CALN1: variants seen among roughly 807,000 people sequenced by gnomAD.
The protein encoded by CALN1 is calcium-binding protein 8.
A neutral mutation model predicts 30.6 loss-of-function variants in CALN1; 17 were observed. That is an observed-to-expected ratio of 0.56 (90% CI 0.38 to 0.83). The LOEUF (loss-of-function observed/expected upper bound fraction) is 0.83, where lower values mean the gene tolerates loss of function less well. CALN1 is among the 40% of genes least tolerant of loss of function. The pLI is 0.00. For synonymous variants in CALN1, 156 were observed against 131.4 expected, an observed-to-expected ratio of 1.19 and a Z score of -1.28; for missense variants, 291 against 354.9, an observed-to-expected ratio of 0.82 and a Z score of 1.45.
chr7:72,147,859 A>C (rs1786881097), intron 3 of CALN1, among the ~76,000 whole-genome samples: 8 of 150,694 alleles, frequency 5.3e-5, no homozygotes. Flanking sequence ...CAAAAAACCA[A>C]ACATCGCATG....
intron 6 of CALN1, among the ~76,000 whole-genome samples, chr7:71,799,217 C>T (rs1325244669): frequency 6.6e-6 from 1 of 152,114 alleles, no homozygotes; most frequent in Non-Finnish European, 1.5e-5. Flanking sequence ...GTTTAATCCT[C>T]AAAACAACTG....
chr7:71,956,160 G>C (rs749254381), intron 5 of CALN1, among the ~76,000 whole-genome samples: 1 of 152,050 alleles, frequency 6.6e-6, no homozygotes. Context: ...GCTAATTTTT[G>C]TATTTTTAGT....
intron 4 of CALN1, among the ~76,000 whole-genome samples, chr7:72,073,168 A>G (rs1371122937): frequency 6.6e-6 from 1 of 152,194 alleles, no homozygotes; most frequent in Non-Finnish European, 1.5e-5. Flanking sequence ...ATATTGCATG[A>G]TTCCATTTAT....
At chr7:72,362,499 C>G (rs910308941) in intron 2 of CALN1, among the ~76,000 whole-genome samples, 15 of 152,136 alleles carry the variant, frequency 9.9e-5, no homozygotes, top group African/African-American at 3.6e-4. Flanking sequence ...CTGGGTACCA[C>G]GCTATCTATA....
At chr7:72,340,817 TAGTG>T (rs990889976) in intron 2 of CALN1, among the ~76,000 whole-genome samples, 8 of 152,260 alleles carry the variant, frequency 5.3e-5, no homozygotes, top group East Asian at 3.9e-4. Flanking sequence ...ATTTTCATGG[TAGTG>T]AGTAAGTCTC....
chr7:71,892,155 A>G (rs1296088366), intron 5 of CALN1, among the ~76,000 whole-genome samples: 6 of 152,094 alleles, frequency 3.9e-5, no homozygotes, highest in African/African-American at 9.7e-5. Flanking sequence ...TATTTTCATC[A>G]CTATTTAATA....
chr7:71,989,335 G>A (rs1798829760), intron 5 of CALN1, among the ~76,000 whole-genome samples: 1 of 152,040 alleles, frequency 6.6e-6, no homozygotes, highest in Non-Finnish European at 1.5e-5. Context: ...CTACTCAGGA[G>A]GCTGAGGCAA....
intron 1 of CALN1, among the ~76,000 whole-genome samples, chr7:72,444,948 T>C (rs528631135): frequency 1.6e-4 from 24 of 152,004 alleles, no homozygotes; most frequent in African/African-American, 5.6e-4. Flanking sequence ...ACCACGGCCA[T>C]TAAAGAAATG....
At chr7:71,886,097 C>A (rs1203951116) in intron 5 of CALN1, among the ~76,000 whole-genome samples, 4 of 152,190 alleles carry the variant, frequency 2.6e-5, no homozygotes. Flanking sequence ...CAAGTCCCAG[C>A]GAAGAATCCA....
chr7:71,874,518 C>T (rs879520112), intron 5 of CALN1, among the ~76,000 whole-genome samples: 2 of 152,120 alleles, frequency 1.3e-5, no homozygotes, highest in African/African-American at 2.4e-5. Flanking sequence ...TTCCAGAGCA[C>T]GGAATGACTT....
chr7:71,946,301 G>C (rs537187727), intron 5 of CALN1, among the ~76,000 whole-genome samples: 1 of 151,772 alleles, frequency 6.6e-6, no homozygotes, highest in African/African-American at 2.4e-5. Flanking sequence ...TATAGAAATA[G>C]TGACAATAAT....
At chr7:71,965,089 G>GC (rs1235576418) in intron 5 of CALN1, among the ~76,000 whole-genome samples, 2 of 152,114 alleles carry the variant, frequency 1.3e-5, no homozygotes, top group African/African-American at 4.8e-5. Flanking sequence ...GTGCAGTGGT[G>GC]CCATCGTAGC....
At chr7:72,487,672 TGAAA>T in the CALN1 span, among the ~76,000 whole-genome samples, 1 of 101,544 alleles carries the variant, frequency 9.8e-6, no homozygotes, top group East Asian at 3.2e-4. Context: ...GGCAGCAGAG[TGAAA>T]GAAAGAAAGG....
chr7:72,115,943 T>C (rs1247127475), intron 3 of CALN1, among the ~76,000 whole-genome samples: 2 of 152,178 alleles, frequency 1.3e-5, no homozygotes, highest in African/African-American at 2.4e-5. Flanking sequence ...GCTTTACTTA[T>C]TTCACTTAAC....
At chr7:72,318,204 T>C (rs955412148) in intron 2 of CALN1, among the ~76,000 whole-genome samples, 1 of 152,244 alleles carries the variant, frequency 6.6e-6, no homozygotes, top group African/African-American at 2.4e-5. Context: ...TGTTCAGATA[T>C]TCTTAAAGGG....
chr7:72,402,085 G>C (rs776420090), intron 2 of CALN1, among the ~76,000 whole-genome samples: 2 of 152,178 alleles, frequency 1.3e-5, no homozygotes, highest in Non-Finnish European at 2.9e-5. Flanking sequence ...CTTGCTCTGA[G>C]CCTGCCCTTC....
At position 72,323,330 on chromosome 7, in the gene CALN1, G is replaced by A. The variant is rs547956123; in HGVS notation, c.120-44520C>T. ...CTGGAAGCCCTTCGTGTGAAGCTAC[G>A]GATGTCAGGAAAATGCTTCTCTTAA... On this transcript the variant is annotated intron_variant, in intron 2 of 6. Transcript: ENST00000395275. 1.1e-4 allele frequency among the ~76,000 whole-genome samples: 17 copies of A among 152,218 alleles called. No homozygotes were observed. In the East Asian group the frequency reaches 1.7e-3, roughly 16 times the overall value.
intron 6 of CALN1, among the ~76,000 whole-genome samples, chr7:71,804,079 A>AT (rs1199479676): frequency 2.6e-5 from 4 of 151,852 alleles, no homozygotes; most frequent in African/African-American, 4.8e-5. Context: ...TTGGGGTCTT[A>AT]TTTTTTTTCT....
chr7:71,876,356 G>A (rs1340304756), intron 5 of CALN1, among the ~76,000 whole-genome samples: 10 of 152,152 alleles, frequency 6.6e-5, no homozygotes, highest in African/African-American at 2.4e-4. Flanking sequence ...CACTCCTCGT[G>A]TGTTGGCCCT....
Sources: allele counts gnomAD v4.1 joint callset (sites outside exome capture counted in the v4.1 genomes callset), GRCh38; gene constraint gnomAD v4.1.1; transcripts MANE v1.5; gene names NCBI Gene and HGNC (gene_info 2026-07-23, HGNC 2026-07-21).